ERCC2: variants seen among roughly 807,000 people sequenced by gnomAD.
The protein encoded by ERCC2 is ERCC excision repair 2, TFIIH core complex helicase subunit.
ERCC2 carries 90 observed loss-of-function variants against 99.4 expected under a neutral mutation model. That is an observed-to-expected ratio of 0.91 (90% confidence interval 0.76 to 1.08). The LOEUF is 1.08. Among genes scored for constraint, ERCC2 ranks in the 50% least tolerant of loss-of-function variants. The probability of loss-of-function intolerance (pLI) is 0.00; values close to 1 mark genes in which losing one functional copy is unlikely to be tolerated. For synonymous variants in ERCC2, 497 were observed against 432.4 expected (o/e 1.15, Z -1.85); for missense variants, 993 against 1,038.1 (o/e 0.96, Z 0.60).
At position 45,364,100 on chromosome 19, in the gene ERCC2, G is replaced by T; in HGVS notation, c.835C>A (p.Gln279Lys). 4 of 1,608,874 alleles carry T rather than the reference G, an allele frequency of 2.5e-6. No homozygotes were observed. The highest frequency in any genetic ancestry group is 3.4e-6 in the Non-Finnish European group (4 of 1,178,258). ...CGCCGGTACTCGTCCCGCAGGCGCT[G>T]CTCGTCTGTCTCTTTGATCCTGCGG... ...TVLRIKETDE[Q>K]RLRDEYRRLV... The change falls in exon 10 of 23, where the codon CAG (glutamine) becomes AAG (lysine). Residue 279 changes from glutamine (Q) to lysine (K), a missense_variant. This residue lies in a region of ERCC2 where 909 missense variants were observed against 930.8 expected (regional missense o/e 0.98). Transcript: ENST00000391945.
intron 5 of ERCC2, among the ~76,000 whole-genome samples, chr19:45,368,349 G>C (rs778735219): frequency 6.6e-6 from 1 of 152,050 alleles, no homozygotes; most frequent in South Asian, 2.1e-4. Context: ...CATAAATACT[G>C]GGCTAGTAAG....
chr19:45,363,255 T>G (rs1972287989), intron 11 of ERCC2, among the ~76,000 whole-genome samples: 1 of 152,154 alleles, frequency 6.6e-6, no homozygotes, highest in Non-Finnish European at 1.5e-5. Context: ...TTTGGAAGAT[T>G]AGAGGCATCG....
intron 4 of ERCC2, 42 bp from the exon 5 acceptor site, chr19:45,368,785 G>A (rs767376657): frequency 6.4e-7 from 1 of 1,561,194 alleles, no homozygotes; most frequent in Non-Finnish European, 8.8e-7. Flanking sequence ...GTGCTCATTG[G>A]AGGCACAAAC....
intron 5 of ERCC2, 81 bp from the exon 6 acceptor site, chr19:45,365,239 C>A: frequency 1.9e-6 from 2 of 1,075,670 alleles, no homozygotes; most frequent in South Asian, 2.5e-5. Context: ...CACCTCCCAG[C>A]TGGCTGGGGT....
Position 45,364,306 on chromosome 19 carries a change from G to T in ERCC2, c.744C>A (p.Ser248Arg). 1 of 1,614,028 alleles carries T rather than the reference G, an allele frequency of 6.2e-7. No homozygotes were observed. Among genetic ancestry groups the T allele is most frequent in the Non-Finnish European group, 8.5e-7 (1 of 1,180,004 alleles). Residue 248 changes from serine to arginine, a missense_variant, in exon 9 of 23, where the codon AGC becomes AGA. Ser to Arg is a moderately radical substitution (Grantham distance 110, BLOSUM62 -1). Coordinates refer to ENST00000391945, the MANE Select transcript of ERCC2 (RefSeq NM_000400.4). ...NIDNVCIDSM[S>R]VNLTRRTLDR... ...CAAGGGTCCGGCGGGTGAGGTTGAC[G>T]CTCATGGAGTCGATGCAGACGTTGT...
chr19:45,365,236 C>T (rs1482093458), intron 5 of ERCC2, 78 bp from the exon 6 acceptor site: 1 of 1,098,346 alleles, frequency 9.1e-7, no homozygotes, highest in Non-Finnish European at 1.4e-6. Context: ...CCACACCTCC[C>T]AGCTGGCTGG....
chr19:45,370,506 A>G, intron 1 of ERCC2, 30 bp downstream of exon 1: 30 of 1,494,804 alleles, frequency 2.0e-5, no homozygotes, highest in Non-Finnish European at 2.6e-5. Context: ...CGCGCCCGCT[A>G]GCGAGCGCGA....
At chr19:45,352,717 G>A in intron 20 of ERCC2, 29 bp downstream of exon 20, 1 of 1,613,970 alleles carries the variant, frequency 6.2e-7, no homozygotes. Context: ...CTAACACTGT[G>A]GGACTCCCTG....
intron 16 of ERCC2, among the ~76,000 whole-genome samples, chr19:45,355,345 A>C (rs961347962): frequency 8.3e-6 from 1 of 120,028 alleles, no homozygotes; most frequent in Non-Finnish European, 1.6e-5. Flanking sequence ...CAACAGAGCA[A>C]GACTCTGTCT....
At position 45,350,465 on chromosome 19, in the gene ERCC2, G is replaced by T. The variant is rs1271721824; in HGVS notation, c.*1164C>A. 10 of 1,613,364 alleles carry T rather than the reference G, an allele frequency of 6.2e-6. No individual in the cohort carries two copies. The highest frequency in any genetic ancestry group is 8.5e-6 in the Non-Finnish European group (10 of 1,179,536). On this transcript the variant is annotated 3_prime_UTR_variant, in exon 23 of 23. Transcript: ENST00000391945. The stretch of plus-strand genomic sequence containing the variant: ...CTAGCCCCTGTCTGTCTTCCCTCCT[G>T]GTGGCTTCTCTATGTCCCCATCTCA...
chr19:45,363,540 C>G (rs780807665), intron 11 of ERCC2, among the ~76,000 whole-genome samples: 8 of 152,248 alleles, frequency 5.3e-5, no homozygotes, highest in Non-Finnish European at 8.8e-5. Flanking sequence ...CTGCCAGGCC[C>G]CTGCCCGACG....
At position 45,351,117 on chromosome 19, in the gene ERCC2, T is replaced by G. The variant is rs1599719768; in HGVS notation, c.*512A>C. ...TCGGGCCAGTGGTGGAGTCAGCAGG[T>G]GGTGGGTTGGTGTCAGAAGAGACCC... On this transcript the variant is annotated 3_prime_UTR_variant, in exon 23 of 23. Coordinates refer to ENST00000391945, the MANE Select transcript of ERCC2 (RefSeq NM_000400.4). 30 of 1,605,652 alleles carry G rather than the reference T, an allele frequency of 1.9e-5. No individual in the cohort carries two copies. Among genetic ancestry groups the G allele is most frequent in the Non-Finnish European group, 2.5e-5 (29 of 1,175,780 alleles).
At position 45,365,091 on chromosome 19, in the gene ERCC2, C is replaced by T. The variant is rs150000483; in HGVS notation, c.428G>A (p.Arg143Gln). The T allele has an allele frequency of 5.8e-5, 93 of 1,614,042 alleles. No individual in the cohort carries two copies. The highest frequency in any genetic ancestry group is 1.1e-4 in the East Asian group (5 of 44,896). ...GCTGGTGTCATGCTGGTACTGCGCCCGCACATAGGAGGCTGTGAGGCTGTG... is the reference window on the plus strand; with the variant it reads ...GCTGGTGTCATGCTGGTACTGCGCCTGCACATAGGAGGCTGTGAGGCTGTG... The part of the protein sequence containing the change: ...KCHSLTASYV[R>Q]AQYQHDTSLP... The change falls in exon 6 of 23, where the codon CGG (arginine) becomes CAG (glutamine). Residue 143 changes from arginine (R) to glutamine (Q), a missense_variant. Around this residue, in one of 3 missense-constraint regions of ERCC2, gnomAD observed 909 missense variants for 930.8 expected, o/e 0.98. Coordinates refer to ENST00000391945, the MANE Select transcript of ERCC2 (RefSeq NM_000400.4).
rs1198170525 is a variant in ERCC2, at chr19:45,357,224, GC to G, written c.1479+45del. The G allele has an allele frequency of 2.1e-6, 3 of 1,417,616 alleles. 1 individual carries two copies. In the South Asian group the frequency reaches 3.5e-5, roughly 17 times the overall value. 87.8% of individuals were successfully genotyped at this position (1,417,616 alleles called of 1,614,324 possible). A position where few individuals can be genotyped will look rare whatever the true frequency, so the allele number is the denominator to read the frequency against. On this transcript the variant is annotated intron_variant, in intron 15 of 22. Transcript: ENST00000391945. Reference sequence around the variant, plus strand: ...AGCCAAGGAAGGAGGGCGGCCCCTTGCCCCCATCTCCCCTCCCGGCCCCAGC... The same window carrying G: ...AGCCAAGGAAGGAGGGCGGCCCCTTGCCCCATCTCCCCTCCCGGCCCCAGC...
chr19:45,357,259 C>G lies in ERCC2; in HGVS notation c.1479+11G>C. On this transcript the variant is annotated intron_variant, in intron 15 of 22. Coordinates refer to ENST00000391945, the MANE Select transcript of ERCC2 (RefSeq NM_000400.4). ...CCCCTCCCGGCCCCAGCCCTAGCCT[C>G]TCCCACTCACCATAGGGCAGAGGCA... 6.2e-7 allele frequency: 1 copy of G among 1,605,808 alleles called. No homozygotes were observed. Among genetic ancestry groups the G allele is most frequent in the South Asian group, 1.1e-5 (1 of 90,644 alleles).
intron 2 of ERCC2, 52 bp downstream of exon 2, chr19:45,370,081 G>C (rs1972553262): frequency 6.3e-7 from 1 of 1,576,776 alleles, no homozygotes; most frequent in Non-Finnish European, 8.7e-7. Flanking sequence ...TTAGGCCCAG[G>C]CGTGGCAGCC....
At chr19:45,352,984 G>A (rs1971871240) in intron 19 of ERCC2, 99 bp downstream of exon 19, 1 of 1,356,252 alleles carries the variant, frequency 7.4e-7, no homozygotes, top group Admixed American at 1.7e-5. Context: ...CACCTAGGCT[G>A]GGGGTGGGTG....
At chr19:45,358,115 G>A (rs867107434) in intron 12 of ERCC2, 8 of 290,100 alleles carry the variant, frequency 2.8e-5, no homozygotes, top group Admixed American at 4.6e-5. Flanking sequence ...GCATGATCTC[G>A]GCTCACTGCA....
At chr19:45,352,188 G>A (rs1213411928) in intron 22 of ERCC2, 21 bp downstream of exon 22, 1 of 1,612,718 alleles carries the variant, frequency 6.2e-7, no homozygotes, top group Non-Finnish European at 8.5e-7. Flanking sequence ...GAGGGTGCCG[G>A]GAGGGGGACG....
Sources: gnomAD v4.1 joint callset for allele counts (sites outside exome capture counted in the v4.1 genomes callset) on GRCh38, gnomAD v4.1.1 for gene constraint, gnomAD v4.1.1 regional missense constraint, MANE v1.5 for transcripts, NCBI Gene and HGNC (gene_info 2026-07-23, HGNC 2026-07-21) for gene names.